Variants in RAPGEF4 observed in about 807,000 individuals in gnomAD.
RAPGEF4 encodes RAP guanine-nucleotide-exchange factor (GEF) 4.
In RAPGEF4, 66 loss-of-function variants were observed where a neutral mutation model predicts 147.9. That is an observed-to-expected ratio of 0.45 (90% confidence interval 0.37 to 0.55). The LOEUF (loss-of-function observed/expected upper bound fraction) is 0.55. Among genes scored for constraint, RAPGEF4 ranks in the 20% least tolerant of loss-of-function variants. The pLI, the probability that RAPGEF4 is intolerant of heterozygous loss-of-function variation, is 0.00. For synonymous variants in RAPGEF4, 419 were observed against 442.7 expected (o/e 0.95, Z 0.67); for missense variants, 1,071 against 1,257.3 (o/e 0.85, Z 2.24).
chr2:172,988,527 A>C (rs1054850534), intron 13 of RAPGEF4, among the ~76,000 whole-genome samples, 166 bp from the exon 14 acceptor site: 1 of 152,234 alleles, frequency 6.6e-6, no homozygotes, highest in Non-Finnish European at 1.5e-5. Flanking sequence ...TACTCAGTGA[A>C]AGCAAAGTGA....
intron 4 of RAPGEF4, among the ~76,000 whole-genome samples, chr2:172,832,440 T>G (rs1481926600): frequency 6.6e-6 from 1 of 152,198 alleles, no homozygotes; most frequent in African/African-American, 2.4e-5. Context: ...GAAAAAATAT[T>G]AACTTTTTCT....
chr2:172,986,850 C>A (rs918798435), intron 12 of RAPGEF4, among the ~76,000 whole-genome samples: 1 of 152,050 alleles, frequency 6.6e-6, no homozygotes, highest in African/African-American at 2.4e-5. Context: ...TGTGCCACCA[C>A]GCCCAGCTAA....
intron 4 of RAPGEF4, among the ~76,000 whole-genome samples, chr2:172,867,927 TC>T (rs1474812835): frequency 2.6e-5 from 4 of 152,244 alleles, no homozygotes; most frequent in Non-Finnish European, 5.9e-5. Flanking sequence ...CTTTTTAACT[TC>T]TTTAAAGCCA....
chr2:172,776,327 C>T (rs2149498872), intron 1 of RAPGEF4, among the ~76,000 whole-genome samples: 3 of 152,110 alleles, frequency 2.0e-5, no homozygotes, highest in Admixed American at 2.0e-4. Context: ...ACAGGGCCAG[C>T]CTAGATTAAC....
chr2:173,026,454 A>G (rs1482418094), intron 23 of RAPGEF4, 118 bp from the exon 24 acceptor site: 2 of 1,127,122 alleles, frequency 1.8e-6, no homozygotes, highest in East Asian at 5.3e-5. Flanking sequence ...GAGTTTCCAG[A>G]TATTCCTGAA....
At chr2:172,848,441 A>G (rs1692446692) in intron 4 of RAPGEF4, among the ~76,000 whole-genome samples, 1 of 152,148 alleles carries the variant, frequency 6.6e-6, no homozygotes, top group Non-Finnish European at 1.5e-5. Flanking sequence ...TAGCATCCTT[A>G]ATTACCTTGA....
intron 6 of RAPGEF4, among the ~76,000 whole-genome samples, chr2:172,954,886 G>A (rs958390776): frequency 1.3e-5 from 2 of 152,268 alleles, no homozygotes; most frequent in African/African-American, 2.4e-5. Flanking sequence ...TGTTTAACCC[G>A]TAGAAGTTTG....
rs143985336 is a variant in RAPGEF4 at position 172,917,541 on chromosome 2, A to T, written c.445-261A>T. 251 of 658,548 alleles carry T rather than the reference A, an allele frequency of 3.8e-4. 1 individual carries two copies. The highest frequency in any genetic ancestry group is 2.9e-3 in the African/African-American group (167 of 57,004). 40.8% of individuals were successfully genotyped at this position (658,548 alleles called of 1,614,324 possible). On this transcript the variant is annotated intron_variant, in intron 4 of 30. Coordinates refer to ENST00000397081, the MANE Select transcript of RAPGEF4 (RefSeq NM_007023.4). ...GGGTGCTAAATATCCCACACAATTCAGGCAGCCACAGATATATAAATGAAC... is the reference window on the plus strand; with the variant it reads ...GGGTGCTAAATATCCCACACAATTCTGGCAGCCACAGATATATAAATGAAC...
At chr2:172,980,275 T>A (rs1036403715) in intron 10 of RAPGEF4, among the ~76,000 whole-genome samples, 1 of 152,006 alleles carries the variant, frequency 6.6e-6, no homozygotes, top group African/African-American at 2.4e-5. Flanking sequence ...CACTTCTAGA[T>A]AGATTAAGCT....
intron 28 of RAPGEF4, 60 bp downstream of exon 28, chr2:173,036,272 CAAT>C (rs2106009638): frequency 7.8e-7 from 1 of 1,278,272 alleles, no homozygotes; most frequent in South Asian, 1.2e-5. Context: ...GGGAAATGAA[CAAT>C]ACCTTGATAA....
chr2:173,043,978 A>G (rs549927608), intron 29 of RAPGEF4, among the ~76,000 whole-genome samples: 8 of 152,256 alleles, frequency 5.3e-5, no homozygotes, highest in Admixed American at 5.2e-4. Context: ...TGGCTTTCCT[A>G]AGGAAGGAAT....
intron 4 of RAPGEF4, among the ~76,000 whole-genome samples, chr2:172,852,991 A>G (rs1693027454): frequency 6.6e-6 from 1 of 152,080 alleles, no homozygotes; most frequent in Admixed American, 6.5e-5. Context: ...TAAAAACTCT[A>G]TTATGTAAAA....
At chr2:172,835,092 C>T (rs1019485554) in intron 4 of RAPGEF4, among the ~76,000 whole-genome samples, 1 of 152,214 alleles carries the variant, frequency 6.6e-6, no homozygotes, top group Non-Finnish European at 1.5e-5. Flanking sequence ...AAACTGCTCT[C>T]TTTCCTCTGC....
At chr2:172,943,158 G>A (rs1200746655) in intron 6 of RAPGEF4, among the ~76,000 whole-genome samples, 2 of 152,168 alleles carry the variant, frequency 1.3e-5, no homozygotes, top group Non-Finnish European at 2.9e-5. Context: ...AAGCTAAAAA[G>A]GAAGAAGGGA....
intron 4 of RAPGEF4, among the ~76,000 whole-genome samples, chr2:172,897,951 A>G (rs1189151757): frequency 6.6e-6 from 1 of 152,104 alleles, no homozygotes; most frequent in Non-Finnish European, 1.5e-5. Context: ...GGTTAGGGGT[A>G]AGAAGTTCCC....
At chr2:172,818,931 T>C (rs1688779449) in intron 4 of RAPGEF4, among the ~76,000 whole-genome samples, 6 of 152,250 alleles carry the variant, frequency 3.9e-5, no homozygotes, top group Admixed American at 3.9e-4. Context: ...TTATATTGTC[T>C]ATTCTGCTGT....
rs3769257 is a variant in RAPGEF4, at chr2:172,928,726, G to A, written c.537+6426G>A. Among the ~76,000 whole-genome samples the A allele has an allele frequency of 1.4e-4, 21 of 152,188 alleles. No homozygotes were observed. In the East Asian group the frequency reaches 2.9e-3, roughly 21 times the overall value. ...GGGTTGCAGCTGAGATATACTGCACGGCCCTGCTTTGAATATGCTCCCTCC... is the reference window on the plus strand; with the variant it reads ...GGGTTGCAGCTGAGATATACTGCACAGCCCTGCTTTGAATATGCTCCCTCC... On this transcript the variant is annotated intron_variant, in intron 6 of 30. Coordinates refer to ENST00000397081, the MANE Select transcript of RAPGEF4 (RefSeq NM_007023.4).
At chr2:172,983,974 G>A (rs1691969067) in intron 11 of RAPGEF4, among the ~76,000 whole-genome samples, 1 of 152,134 alleles carries the variant, frequency 6.6e-6, no homozygotes, top group South Asian at 2.1e-4. Context: ...ACCTGTCTTG[G>A]CTTATGGGGC....
At chr2:173,044,514 A>C (rs912168015) in intron 29 of RAPGEF4, among the ~76,000 whole-genome samples, 8 of 152,148 alleles carry the variant, frequency 5.3e-5, no homozygotes, top group African/African-American at 1.9e-4. Context: ...TTCTTCACTC[A>C]CCACATCATT....
Sources: gnomAD v4.1 joint callset for allele counts (sites outside exome capture counted in the v4.1 genomes callset) on GRCh38, gnomAD v4.1.1 for gene constraint, MANE v1.5 for transcripts, NCBI Gene and HGNC (gene_info 2026-07-23, HGNC 2026-07-21) for gene names.